PKHD1: variants seen among roughly 807,000 people sequenced by gnomAD.
PKHD1 encodes PKHD1 ciliary IPT domain containing fibrocystin/polyductin.
PKHD1 carries 291 observed loss-of-function variants against 412.0 expected under a neutral mutation model. The observed-to-expected ratio is 0.71, with a 90% confidence interval of 0.64 to 0.78. The LOEUF (loss-of-function observed/expected upper bound fraction) is 0.78. Among genes scored for constraint, PKHD1 ranks in the 30% least tolerant of loss-of-function variants. PKHD1 has a pLI of 0.00. For missense variants in PKHD1, 4,825 were observed against 4,950.7 expected (o/e 0.97, Z 0.76); for synonymous variants, 1,777 against 1,821.5 (o/e 0.98, Z 0.62).
At chr6:51,966,715 C>T (rs1426576953) in intron 35 of PKHD1, among the ~76,000 whole-genome samples, 2 of 152,066 alleles carry the variant, frequency 1.3e-5, no homozygotes, top group African/African-American at 4.8e-5. Context: ...CCACTACACA[C>T]CAGGCACAAA....
At chr6:51,928,436 G>A (rs1436057997) in intron 37 of PKHD1, among the ~76,000 whole-genome samples, 1 of 152,164 alleles carries the variant, frequency 6.6e-6, no homozygotes, top group Non-Finnish European at 1.5e-5. Context: ...TGTGTCGGTT[G>A]CATTTGCTCA....
At chr6:51,889,246 A>G (rs1429963408) in intron 43 of PKHD1, among the ~76,000 whole-genome samples, 3 of 152,132 alleles carry the variant, frequency 2.0e-5, no homozygotes, top group African/African-American at 7.2e-5. Context: ...GAACACTGGC[A>G]TTAGGGTCAC....
At chr6:51,990,725 C>T (rs1796952194) in intron 35 of PKHD1, among the ~76,000 whole-genome samples, 1 of 151,868 alleles carries the variant, frequency 6.6e-6, no homozygotes, top group Non-Finnish European at 1.5e-5. Context: ...CCACTCTTTT[C>T]CCATCTCTCT....
chr6:51,771,691 CTTAG>C (rs1289241362), intron 55 of PKHD1, among the ~76,000 whole-genome samples: 2 of 150,632 alleles, frequency 1.3e-5, no homozygotes, highest in Non-Finnish European at 3.0e-5. Context: ...TTCAGTGCTT[CTTAG>C]TTATTTATAT....
At position 51,744,451 on chromosome 6, in the gene PKHD1, G is replaced by C. The variant is rs1424774201; in HGVS notation, c.10090C>G (p.Leu3364Val). The C allele has an allele frequency of 1.2e-6, 2 of 1,613,404 alleles. No homozygotes were observed. The highest frequency in any genetic ancestry group is 3.3e-5 in the Admixed American group (2 of 59,986). ...GGAAATACAGAAACTGGTGGAGGCA[G>C]ACCCAGGGCTCTCCCATCCAGATCC... ...FKDLDGRALG[L>V]PPPVSVFPKT... Residue 3364 changes from leucine (L) to valine (V), a missense_variant, in exon 60 of 67, where the codon CTG (leucine) becomes GTG (valine). Leu to Val is a conservative substitution (Grantham distance 32). Coordinates refer to ENST00000371117, the MANE Select transcript of PKHD1 (RefSeq NM_138694.4).
At chr6:51,766,594 A>T (rs1789060018) in intron 55 of PKHD1, among the ~76,000 whole-genome samples, 1 of 147,698 alleles carries the variant, frequency 6.8e-6, no homozygotes, top group South Asian at 2.1e-4. Flanking sequence ...ACCCTTTCAC[A>T]AATATGTTTC....
chr6:51,777,325 C>A (rs1440457028), intron 53 of PKHD1, among the ~76,000 whole-genome samples: 1 of 152,104 alleles, frequency 6.6e-6, no homozygotes, highest in Non-Finnish European at 1.5e-5. Flanking sequence ...GTTCAGCCTT[C>A]ACAGCCATTA....
chr6:51,845,689 C>A (rs1225363035), intron 50 of PKHD1, among the ~76,000 whole-genome samples: 1 of 152,174 alleles, frequency 6.6e-6, no homozygotes, highest in African/African-American at 2.4e-5. Flanking sequence ...AGCACACATG[C>A]ACATTCACAC....
In PKHD1 at chr6:52,060,544, C is replaced by G. The variant is rs186547627; in HGVS notation, c.1119-502G>C. Among the ~76,000 whole-genome samples the G allele has an allele frequency of 2.5e-3, 383 of 152,178 alleles. 1 individual carries two copies. The highest frequency in any genetic ancestry group is 7.1e-3 in the Admixed American group (108 of 15,290). ...AATGTCAACAATTTCAAATTAAAAC[C>G]CATCAAATGCAACTTTGAAGAAGAT... On this transcript the variant is annotated intron_variant, in intron 14 of 66. Transcript: ENST00000371117.
intron 53 of PKHD1, among the ~76,000 whole-genome samples, chr6:51,780,030 TA>T (rs111903957): frequency 6.6e-6 from 1 of 151,934 alleles, no homozygotes; most frequent in African/African-American, 2.4e-5. Flanking sequence ...CAATTCATAA[TA>T]AAAAAATTTC....
intron 52 of PKHD1, among the ~76,000 whole-genome samples, chr6:51,801,579 C>T (rs932824628): frequency 2.0e-5 from 3 of 150,618 alleles, no homozygotes; most frequent in Non-Finnish European, 3.0e-5. Flanking sequence ...CAGAGGCACA[C>T]GATTCAAGAC....
intron 11 of PKHD1, among the ~76,000 whole-genome samples, chr6:52,066,453 C>T (rs988019839): frequency 1.3e-5 from 2 of 152,160 alleles, no homozygotes; most frequent in South Asian, 2.1e-4. Flanking sequence ...CTGGGAAAGG[C>T]TTCAGTTCAC....
chr6:51,823,560 G>C (rs1766812707), intron 52 of PKHD1, among the ~76,000 whole-genome samples: 1 of 152,064 alleles, frequency 6.6e-6, no homozygotes, highest in Admixed American at 6.6e-5. Context: ...TAGACCCTAA[G>C]TGAGTTCTAA....
intron 36 of PKHD1, among the ~76,000 whole-genome samples, chr6:51,951,357 G>A (rs969703777): frequency 3.3e-5 from 5 of 151,576 alleles, no homozygotes; most frequent in Non-Finnish European, 5.9e-5. Flanking sequence ...TCTTTTTCCC[G>A]AGGTCTGTAC....
intron 46 of PKHD1, among the ~76,000 whole-genome samples, chr6:51,881,491 A>G (rs1777352144): frequency 6.6e-6 from 1 of 152,174 alleles, no homozygotes; most frequent in Non-Finnish European, 1.5e-5. Flanking sequence ...CAGTATAAAT[A>G]TAATTATAAC....
At position 51,763,990 on chromosome 6, in the gene PKHD1, T is replaced by C. The variant is rs578209271; in HGVS notation, c.8642+8712A>G. 1.7e-3 allele frequency among the ~76,000 whole-genome samples: 264 copies of C among 151,442 alleles called. 3 individuals carry two copies. Among genetic ancestry groups the C allele is most frequent in the African/African-American group, 5.7e-3 (237 of 41,408 alleles). On this transcript the variant is annotated intron_variant, in intron 55 of 66. Coordinates refer to ENST00000371117, the MANE Select transcript of PKHD1 (RefSeq NM_138694.4). ...TATACTTTAAGTTTTAGGGTACATG[T>C]GCACATTGTGCAGGTTAGTTACATA... is the stretch of plus-strand genomic sequence containing the variant.
intron 16 of PKHD1, 143 bp downstream of exon 16, chr6:52,058,180 T>C (rs1000204030): frequency 8.0e-6 from 6 of 752,268 alleles, no homozygotes; most frequent in African/African-American, 6.8e-5. Flanking sequence ...ATCTTCACAA[T>C]GCTGTTAAAG....
intron 35 of PKHD1, among the ~76,000 whole-genome samples, chr6:51,987,976 C>G (rs1404532396): frequency 2.0e-5 from 3 of 152,148 alleles, no homozygotes; most frequent in African/African-American, 7.2e-5. Flanking sequence ...TTTGAGGGCT[C>G]TTAATGAGTT....
chr6:51,752,461 T>A (rs1786261523), intron 57 of PKHD1, among the ~76,000 whole-genome samples: 1 of 152,224 alleles, frequency 6.6e-6, no homozygotes, highest in African/African-American at 2.4e-5. Context: ...AATGTCTGAT[T>A]TAAGGTCCAA....
Sources: gnomAD v4.1 joint callset for allele counts (sites outside exome capture counted in the v4.1 genomes callset) on GRCh38, gnomAD v4.1.1 for gene constraint, MANE v1.5 for transcripts, NCBI Gene and HGNC (gene_info 2026-07-23, HGNC 2026-07-21) for gene names.